Variants in SCMH1 observed in about 807,000 individuals in gnomAD.
The protein encoded by SCMH1 is Scm polycomb group protein homolog 1, also known as polycomb protein SCMH1.
Under a neutral mutation model 70.8 loss-of-function variants are expected in SCMH1, and 37 were observed. That is an observed-to-expected ratio of 0.52 (90% CI 0.40 to 0.69). The LOEUF (loss-of-function observed/expected upper bound fraction) is 0.69. Ranked by LOEUF, SCMH1 falls within the 30% of genes least tolerant of loss-of-function variation. The pLI, the probability that SCMH1 is intolerant of heterozygous loss-of-function variation, is 0.00. For missense variants in SCMH1, 607 were observed against 827.3 expected (o/e 0.73, Z 3.27); for synonymous variants, 292 against 307.4 (o/e 0.95, Z 0.52).
At chr1:41,223,170 G>T (rs1001167055) in intron 1 of SCMH1, among the ~76,000 whole-genome samples, 6 of 152,128 alleles carry the variant, frequency 3.9e-5, no homozygotes, top group Admixed American at 3.9e-4. Context: ...AGCCTTCCAG[G>T]ATTACCTGAT....
chr1:41,078,474 AT>A (rs1659033484), intron 8 of SCMH1, among the ~76,000 whole-genome samples: 1 of 152,214 alleles, frequency 6.6e-6, no homozygotes, highest in African/African-American at 2.4e-5. Flanking sequence ...ACTGCTGAAA[AT>A]ACAAAAGATG....
At chr1:41,075,224 T>C in exon 9 of SCMH1, 1 of 1,614,148 alleles carries the variant, frequency 6.2e-7, no homozygotes, top group Non-Finnish European at 8.5e-7. Context: ...CCTACCTTGC[T>C]GCCAGGTTTG....
intron 8 of SCMH1, among the ~76,000 whole-genome samples, chr1:41,081,747 G>C (rs1366943414): frequency 2.0e-5 from 3 of 151,842 alleles, no homozygotes; most frequent in Non-Finnish European, 4.4e-5. Flanking sequence ...TTAAGCCCTG[G>C]AAGTCATGGC....
intron 2 of SCMH1, 129 bp from the exon 3 acceptor site, chr1:41,161,561 T>C (rs1023211011): frequency 2.7e-5 from 27 of 1,015,508 alleles, no homozygotes; most frequent in Non-Finnish European, 3.5e-5. Flanking sequence ...TAAGGAAAAA[T>C]ACTCCAAAAT....
At chr1:41,116,886 C>A in intron 7 of SCMH1, 36 bp downstream of exon 7, 1 of 1,529,534 alleles carries the variant, frequency 6.5e-7, no homozygotes, top group Non-Finnish European at 8.9e-7. Flanking sequence ...TGACCTTAAG[C>A]AGCCTGGAGC....
At chr1:41,047,321 AAAG>A (rs1458480923) in intron 11 of SCMH1, among the ~76,000 whole-genome samples, 3 of 152,068 alleles carry the variant, frequency 2.0e-5, no homozygotes, top group Non-Finnish European at 4.4e-5. Context: ...ACACAGAAAC[AAAG>A]AAGAGACCAG....
chr1:41,051,256 G>A (rs1022221503), intron 10 of SCMH1, among the ~76,000 whole-genome samples: 1 of 152,210 alleles, frequency 6.6e-6, no homozygotes, highest in Non-Finnish European at 1.5e-5. Context: ...GGAAGCTGGT[G>A]TAAACAAACC....
At chr1:41,069,991 C>T (rs2148870712) in intron 10 of SCMH1, among the ~76,000 whole-genome samples, 1 of 152,302 alleles carries the variant, frequency 6.6e-6, no homozygotes, top group South Asian at 2.1e-4. Context: ...TAGGGTTTCA[C>T]ACATTTATCT....
At chr1:41,049,521 C>T (rs183882642) in intron 10 of SCMH1, among the ~76,000 whole-genome samples, 2 of 151,852 alleles carry the variant, frequency 1.3e-5, no homozygotes, top group African/African-American at 2.4e-5. Flanking sequence ...CCTGTAATCC[C>T]AGCACTTTGG....
At chr1:41,200,871 C>A (rs960426701) in intron 1 of SCMH1, among the ~76,000 whole-genome samples, 1 of 152,056 alleles carries the variant, frequency 6.6e-6, no homozygotes, top group Non-Finnish European at 1.5e-5. Context: ...ACAAAATGAA[C>A]AGCTGAGGTC....
chr1:41,116,279 G>A (rs141128629), intron 7 of SCMH1, among the ~76,000 whole-genome samples: 60 of 152,284 alleles, frequency 3.9e-4, no homozygotes, highest in African/African-American at 1.3e-3. Context: ...AGCAGCATAG[G>A]CAAACCTAAT....
At chr1:41,028,825 C>T (rs897416188) in intron 13 of SCMH1, 99 bp from the exon 15 acceptor site, 36 of 1,317,872 alleles carry the variant, frequency 2.7e-5, no homozygotes, top group Non-Finnish European at 3.7e-5. Flanking sequence ...AGGTGATGCT[C>T]ACAGTAGTGC....
At chr1:41,073,115 T>C (rs2300650) in intron 9 of SCMH1, among the ~76,000 whole-genome samples, 17,721 of 152,202 alleles carry the variant, frequency 0.12, 1,403 homozygotes, top group East Asian at 0.31. Context: ...TTTTTGAGTT[T>C]TGAATGATCT....
chr1:41,091,936 G>C (rs1270463048), intron 8 of SCMH1, among the ~76,000 whole-genome samples: 2 of 151,906 alleles, frequency 1.3e-5, no homozygotes, highest in East Asian at 3.9e-4. Context: ...TGTGAAAAAT[G>C]GCCATACTGC....
chr1:41,163,523 A>G (rs1452893925), intron 2 of SCMH1, among the ~76,000 whole-genome samples: 1 of 152,196 alleles, frequency 6.6e-6, no homozygotes, highest in Non-Finnish European at 1.5e-5. Context: ...TCAAAGAGAT[A>G]ATTAAGTTAA....
rs574000610 is a variant in SCMH1 at position 41,057,361 on chromosome 1, G to A, written c.1106-8471C>T. Among the ~76,000 whole-genome samples, 6 of 152,208 alleles carry A rather than the reference G, an allele frequency of 3.9e-5. No homozygotes were observed. The South Asian group carries it at 1.0e-3, about 26-fold the overall frequency. On this transcript the variant is annotated intron_variant, in intron 10 of 14. Coordinates refer to ENST00000337495, the Ensembl canonical transcript of SCMH1. Reference sequence around the variant, plus strand: ...GCTCCCTGCAACCTCCGCCTCCCGGGTTCAAGCGATTCTCCTGCCTCAGCC... The same window carrying A: ...GCTCCCTGCAACCTCCGCCTCCCGGATTCAAGCGATTCTCCTGCCTCAGCC...
chr1:41,160,316 T>G (rs1385724240), intron 4 of SCMH1, among the ~76,000 whole-genome samples: 1 of 152,204 alleles, frequency 6.6e-6, no homozygotes, highest in Non-Finnish European at 1.5e-5. Flanking sequence ...GGAACTCTGA[T>G]TGAGAAGTAT....
chr1:41,229,967 G>A (rs1343014741), intron 1 of SCMH1, among the ~76,000 whole-genome samples: 1 of 152,204 alleles, frequency 6.6e-6, no homozygotes, highest in East Asian at 1.9e-4. Context: ...CCAAGTCTGA[G>A]AGACAGGAAA....
At chr1:41,028,828 A>G in intron 13 of SCMH1, 102 bp from the exon 15 acceptor site, 1 of 1,286,600 alleles carries the variant, frequency 7.8e-7, no homozygotes. Context: ...TGATGCTCAC[A>G]GTAGTGCCAG....
Sources: gnomAD v4.1 joint callset for allele counts (sites outside exome capture counted in the v4.1 genomes callset) on GRCh38, gnomAD v4.1.1 for gene constraint, MANE v1.5 for transcripts, NCBI Gene and HGNC (gene_info 2026-07-23, HGNC 2026-07-21) for gene names.